The following WDR35 variants were observed in gnomAD, a reference collection of about 807,000 sequenced individuals.
WDR35 encodes WD repeat-containing protein 35.
WDR35 carries 118 observed loss-of-function variants against 158.3 expected under a neutral mutation model. That is an observed-to-expected ratio of 0.75 (90% CI 0.64 to 0.87). The LOEUF is 0.87. Ranked by LOEUF, WDR35 falls within the 40% of genes least tolerant of loss-of-function variation. The pLI, the probability that WDR35 is intolerant of heterozygous loss-of-function variation, is 0.00. For missense variants in WDR35, 1,263 were observed against 1,405.8 expected, an observed-to-expected ratio of 0.90 and a Z score of 1.62; for synonymous variants, 448 against 476.1, an observed-to-expected ratio of 0.94 and a Z score of 0.77.
chr2:19,958,429 A>G (rs1320989076), intron 11 of WDR35, among the ~76,000 whole-genome samples: 16 of 152,214 alleles, frequency 1.1e-4, no homozygotes, highest in Admixed American at 1.0e-3. Context: ...GCAGTAGGGA[A>G]GCAATAAATC....
At chr2:19,983,583 A>G (rs541628871) in intron 2 of WDR35, among the ~76,000 whole-genome samples, 2 of 152,240 alleles carry the variant, frequency 1.3e-5, no homozygotes, top group Non-Finnish European at 2.9e-5. Context: ...CATTTAAAAT[A>G]CAAATGTTAT....
chr2:19,917,256 C>T (rs921593340), intron 25 of WDR35, among the ~76,000 whole-genome samples: 5 of 152,132 alleles, frequency 3.3e-5, no homozygotes, highest in African/African-American at 1.2e-4. Flanking sequence ...CTTCAAAGAC[C>T]AAAGGTAGAC....
At position 19,985,713 on chromosome 2, in the gene WDR35, G is replaced by A. The variant is rs373355057; in HGVS notation, c.143-3179C>T. On this transcript the variant is annotated intron_variant, in intron 2 of 26. Coordinates refer to ENST00000281405, the MANE Select transcript of WDR35 (RefSeq NM_020779.4). Reference sequence around the variant, plus strand: ...ATCCTGGCTAACACGGTGAAACCCCGTCTCTACTAAAAAAAAAAAAAAAAA... The same window carrying A: ...ATCCTGGCTAACACGGTGAAACCCCATCTCTACTAAAAAAAAAAAAAAAAA... 7.0e-3 allele frequency among the ~76,000 whole-genome samples: 1,015 copies of A among 144,776 alleles called. 3 individuals are homozygous for A. The highest frequency in any genetic ancestry group is 0.011 in the Non-Finnish European group (757 of 66,274). The allele number at this position is 144,776 out of a possible 152,430, so 95.0% of individuals were successfully genotyped here.
chr2:19,962,202 C>T, intron 10 of WDR35: 4 of 1,316,594 alleles, frequency 3.0e-6, no homozygotes, highest in South Asian at 2.5e-5. Context: ...CTTCTGAAGT[C>T]CCCTCATATT....
rs984936141 is a variant in WDR35, at chr2:19,934,016, C to T, written c.2548-505G>A. ...GAGCTCTCTTGGAAAGTGGTGGCAG[C>T]GAGGAAGAACCACCACCACCACCAC... On this transcript the variant is annotated intron_variant, in intron 21 of 26. Transcript: ENST00000281405. The surrounding 1 kb of genome is among the most constrained non-coding windows in gnomAD (Gnocchi z 4.6). 6.2e-4 allele frequency among the ~76,000 whole-genome samples: 87 copies of T among 139,726 alleles called. No individual in the cohort carries two copies. Among genetic ancestry groups the T allele is most frequent in the African/African-American group, 2.1e-3 (75 of 35,562 alleles). The allele number at this position is 139,726 out of a possible 152,430, so 91.7% of individuals were successfully genotyped here. A position where few individuals can be genotyped will look rare whatever the true frequency, so the allele number is the denominator to read the frequency against.
At chr2:19,974,430 G>C (rs771662043) in intron 7 of WDR35, 38 bp downstream of exon 7, 2 of 1,480,714 alleles carry the variant, frequency 1.4e-6, no homozygotes, top group East Asian at 2.5e-5. Flanking sequence ...AAAAAAAATA[G>C]AAATTAAAAA....
At chr2:19,919,204 C>T (rs1266575637) in intron 25 of WDR35, among the ~76,000 whole-genome samples, 4 of 151,780 alleles carry the variant, frequency 2.6e-5, no homozygotes, top group Non-Finnish European at 5.9e-5. Context: ...CATGGTAAAA[C>T]CCCATCTCTA....
chr2:19,986,822 T>C (rs1672580346), intron 2 of WDR35, among the ~76,000 whole-genome samples: 1 of 152,226 alleles, frequency 6.6e-6, no homozygotes, highest in Non-Finnish European at 1.5e-5. Context: ...GGAAATGCAA[T>C]GTGGTGCAAA....
intron 25 of WDR35, among the ~76,000 whole-genome samples, chr2:19,919,688 A>G (rs1670107559): frequency 1.3e-5 from 2 of 152,190 alleles, no homozygotes; most frequent in African/African-American, 2.4e-5. Flanking sequence ...GAGAAGCAAG[A>G]GCAAACAAAT....
Position 19,913,260 on chromosome 2 carries a change from T to A in WDR35, c.*298A>T, listed in dbSNP as rs1025358757. ...TTACCTTGACACTGTGAGAAAAAAA[T>A]TTATTTGGAATATTTCCATGGTATC... On this transcript the variant is annotated 3_prime_UTR_variant, in exon 27 of 27. Transcript: ENST00000281405. 8 of 261,812 alleles carry A rather than the reference T, an allele frequency of 3.1e-5. No homozygotes were observed. Among genetic ancestry groups the A allele is most frequent in the Non-Finnish European group, 5.9e-5 (8 of 136,412 alleles). 16.2% of individuals were successfully genotyped at this position (261,812 alleles called of 1,614,324 possible). A position where few individuals can be genotyped will look rare whatever the true frequency, so the allele number is the denominator to read the frequency against.
chr2:19,932,399 C>T lies in WDR35; in HGVS notation c.2707G>A (p.Gly903Arg), dbSNP rs763793890. 3.1e-6 allele frequency: 5 copies of T among 1,613,168 alleles called. No individual in the cohort carries two copies. The East Asian group carries it at 1.1e-4, about 36-fold the overall frequency. ...GATGCATACCTAGCTAACAGAGATC[C>T]AATTTCTTTCATACTATGATTTTTA... ...LAKNHSMKEI[G>R]SLLARYASHL... The change falls in exon 23 of 27, where the codon GGA becomes AGA. Residue 903 changes from glycine to arginine, a missense_variant. Transcript: ENST00000281405.
Position 19,935,562 on chromosome 2 carries a change from T to C in WDR35, c.2456A>G (p.Glu819Gly), listed in dbSNP as rs139352103. 3.0e-5 allele frequency: 48 copies of C among 1,613,044 alleles called. No individual in the cohort carries two copies. The African/African-American group carries it at 6.4e-4, about 22-fold the overall frequency. ...VQYYVQGRNQ[E>G]RLAECYYMLE... Reference sequence around the variant, plus strand: ...CATATAGTAACATTCAGCTAAGCGTTCCTGGTTCCGTCCTTGTACATAATA... The same window carrying C: ...CATATAGTAACATTCAGCTAAGCGTCCCTGGTTCCGTCCTTGTACATAATA... Residue 819 changes from glutamate to glycine, a missense_variant, in exon 21 of 27, where the codon GAA becomes GGA. Transcript: ENST00000281405.
chr2:19,984,002 CATATATATATATAT>C (rs753374553), intron 2 of WDR35, among the ~76,000 whole-genome samples: 2 of 89,948 alleles, frequency 2.2e-5, no homozygotes, highest in African/African-American at 9.5e-5. Context: ...CATTCTAATG[CATATATATATATAT>C]ATATATATAT....
chr2:19,959,730 T>G (rs1671573061), intron 11 of WDR35, among the ~76,000 whole-genome samples: 1 of 152,010 alleles, frequency 6.6e-6, no homozygotes, highest in Non-Finnish European at 1.5e-5. Flanking sequence ...ACTTAATTGC[T>G]TAGGCTAAAT....
In WDR35 at chr2:19,936,228, C is replaced by CA; in HGVS notation, c.2404_2405insT (p.Arg802LeufsTer22). 1 of 1,613,840 alleles carries CA rather than the reference C, an allele frequency of 6.2e-7. No individual in the cohort carries two copies. The highest frequency in any genetic ancestry group is 8.5e-7 in the Non-Finnish European group (1 of 1,179,876). The stretch of plus-strand genomic sequence containing the variant: ...CAGGTAAGTTACATACCACTTTTGT[C>CA]GATCAGCAAAGTAGTCTCCAATGGC... On this transcript the variant is annotated frameshift_variant, in exon 20 of 27. Coordinates refer to ENST00000281405, the MANE Select transcript of WDR35 (RefSeq NM_020779.4). LOFTEE classifies it high-confidence loss of function.
rs563796497 is a variant in WDR35 at position 19,966,671 on chromosome 2, T to C, written c.1194+53A>G. ...GGCCATGCTTGAAAAGGTAGAAAAC[T>C]ATAACCCAAGCAGTTAGCCCAGCTA... On this transcript the variant is annotated intron_variant, in intron 10 of 26. Coordinates refer to ENST00000281405, the MANE Select transcript of WDR35 (RefSeq NM_020779.4). 9.4e-5 allele frequency: 150 copies of C among 1,594,356 alleles called. 1 individual carries two copies. In the East Asian group the frequency reaches 3.1e-3, roughly 33 times the overall value.
intron 17 of WDR35, among the ~76,000 whole-genome samples, 195 bp from the exon 18 acceptor site, chr2:19,938,596 C>A (rs570821341): frequency 1.3e-5 from 2 of 152,136 alleles, no homozygotes; most frequent in South Asian, 2.1e-4. Context: ...CAAGTAAGTA[C>A]CTCTGAGGCA....
At chr2:19,918,613 A>C (rs1305469138) in intron 25 of WDR35, among the ~76,000 whole-genome samples, 1 of 152,198 alleles carries the variant, frequency 6.6e-6, no homozygotes, top group East Asian at 1.9e-4. Context: ...CTCTGAAAAA[A>C]CAGACTTTAA....
rs2103455437 is a variant in WDR35 at position 19,974,598 on chromosome 2, A to C, written c.606T>G (p.Thr202=). Residue 202 remains threonine (T), a synonymous_variant, in exon 7 of 27, where the codon ACT becomes ACG. Transcript: ENST00000281405. ...GAATTCCAGCAATGCTGATAGCTCC[A>C]GTGACATTCACCAAACAACTCAGTT... ...KMKLSCLVNV[T]GAISIAGIHW... is the part of the protein sequence containing the mutation. The C allele has an allele frequency of 6.2e-7, 1 of 1,613,902 alleles. No homozygotes were observed. Among genetic ancestry groups the C allele is most frequent in the Non-Finnish European group, 8.5e-7 (1 of 1,179,898 alleles).
Sources: allele counts gnomAD v4.1 joint callset (sites outside exome capture counted in the v4.1 genomes callset), GRCh38; gene constraint gnomAD v4.1.1; non-coding constraint Gnocchi (gnomAD v3.1); transcripts MANE v1.5; gene names NCBI Gene and HGNC (gene_info 2026-07-23, HGNC 2026-07-21).